The following C7 variants were observed in gnomAD, a reference collection of about 807,000 sequenced individuals.
C7 encodes the protein complement component C7.
In C7, 83 loss-of-function variants were observed where a neutral mutation model predicts 104.8. The ratio of observed to expected loss-of-function variants is 0.79; its 90% CI spans 0.66 to 0.95. The LOEUF (loss-of-function observed/expected upper bound fraction) is 0.95. C7 is among the 40% of genes least tolerant of loss of function. The pLI, the probability that C7 is intolerant of heterozygous loss-of-function variation, is 0.00. For missense variants in C7, 1,070 were observed against 1,011.2 expected (o/e 1.06, Z -0.79); for synonymous variants, 415 against 360.6 (o/e 1.15, Z -1.71).
rs1224452372 is a variant in C7, at chr5:40,923,092, T to C, written c.7-5488T>C. Among the ~76,000 whole-genome samples, 4 of 152,160 alleles carry C rather than the reference T, an allele frequency of 2.6e-5. No individual in the cohort carries two copies. In the East Asian group the frequency reaches 7.7e-4, roughly 29 times the overall value. ...TGTTCATCTGACAAGGGATTAAGAA[T>C]CAAAATGTAAAGGGAAGTAACTCAG... On this transcript the variant is annotated intron_variant, in intron 1 of 17. Transcript: ENST00000313164.
intron 16 of C7, among the ~76,000 whole-genome samples, chr5:40,978,843 C>A (rs1048860693): frequency 7.4e-6 from 1 of 135,950 alleles, no homozygotes; most frequent in African/African-American, 2.6e-5. Context: ...AGCACCAATG[C>A]TAATGAGGAA....
At chr5:40,956,122 C>A (rs1740285949) in intron 10 of C7, among the ~76,000 whole-genome samples, 1 of 152,160 alleles carries the variant, frequency 6.6e-6, no homozygotes, top group Admixed American at 6.6e-5. Flanking sequence ...AGAGACACAG[C>A]ACTCAAATTT....
chr5:40,947,787 G>A lies in C7; in HGVS notation c.924G>A (p.Ser308=), dbSNP rs772715061. The change falls in exon 8 of 18, where the codon TCG becomes TCA. Residue 308 remains serine, a synonymous_variant. Coordinates refer to ENST00000313164, the MANE Select transcript of C7 (RefSeq NM_000587.4). The stretch of plus-strand genomic sequence containing the variant: ...GGACACATTATCTGCAATCTGGGTC[G>A]TTAGGAGGAGAATACAGAGTTCTAT... ...QYGTHYLQSG[S]LGGEYRVLFY... is the part of the protein sequence containing the mutation. 30 of 1,613,274 alleles carry A rather than the reference G, an allele frequency of 1.9e-5. No individual in the cohort carries two copies. In the Admixed American group the frequency reaches 2.7e-4, roughly 14 times the overall value.
chr5:40,967,909 AT>A (rs766687204), intron 14 of C7: 2 of 152,132 alleles, frequency 1.3e-5, no homozygotes, highest in Non-Finnish European at 2.9e-5. Context: ...AATTTTCTTT[AT>A]ATTTTTCTGG....
chr5:40,938,042 C>T (rs1739853776), intron 6 of C7, among the ~76,000 whole-genome samples: 1 of 152,122 alleles, frequency 6.6e-6, no homozygotes, highest in South Asian at 2.1e-4. Flanking sequence ...TGTCAGCTCA[C>T]TTAAAATGCT....
intron 6 of C7, among the ~76,000 whole-genome samples, chr5:40,939,352 C>T (rs923288531): frequency 3.3e-5 from 5 of 152,178 alleles, no homozygotes; most frequent in African/African-American, 1.2e-4. Context: ...AGGTTTAATT[C>T]TCACAGCAGC....
chr5:40,941,913 G>C (rs1429878602), intron 6 of C7, among the ~76,000 whole-genome samples: 1 of 152,208 alleles, frequency 6.6e-6, no homozygotes, highest in African/African-American at 2.4e-5. Context: ...GGAGAACACT[G>C]TTCCTCTTGG....
At chr5:40,980,659 A>C (rs1316175920) in intron 17 of C7, among the ~76,000 whole-genome samples, 1 of 152,168 alleles carries the variant, frequency 6.6e-6, no homozygotes, top group Non-Finnish European at 1.5e-5. Context: ...GGGCTTCCCT[A>C]TCTGTAAATT....
chr5:40,955,833 T>C (rs1740280566), intron 10 of C7, among the ~76,000 whole-genome samples: 1 of 152,214 alleles, frequency 6.6e-6, no homozygotes, highest in African/African-American at 2.4e-5. Flanking sequence ...AGTTCGATTA[T>C]GTCTTCCTTG....
rs117397796 is a variant in C7, at chr5:40,952,143, C to T, written c.1093+2129C>T. ...CAATTTTATTTTATTTCACATTTAA[C>T]AAACACAGGGCACCTACTGTGTGCC... On this transcript the variant is annotated intron_variant, in intron 9 of 17. Transcript: ENST00000313164. Among the ~76,000 whole-genome samples the T allele has an allele frequency of 8.8e-4, 134 of 152,322 alleles. 2 individuals are homozygous for T. The East Asian group carries it at 0.02, about 23-fold the overall frequency.
At chr5:40,979,494 C>T (rs1052582989) in intron 16 of C7, among the ~76,000 whole-genome samples, 10 of 152,072 alleles carry the variant, frequency 6.6e-5, no homozygotes, top group Admixed American at 6.5e-4. Context: ...TAGATATCTA[C>T]ACTTAGAAAA....
chr5:40,927,385 T>C (rs796974336), intron 1 of C7, among the ~76,000 whole-genome samples: 1 of 151,994 alleles, frequency 6.6e-6, no homozygotes, highest in African/African-American at 2.4e-5. Context: ...AATGCAAACA[T>C]AGACAAATGG....
rs376824319 is a variant in C7 at position 40,979,843 on chromosome 5, A to G, written c.2284A>G (p.Ser762Gly). 5.6e-6 allele frequency: 9 copies of G among 1,612,514 alleles called. No homozygotes were observed. Among genetic ancestry groups the G allele is most frequent in the Non-Finnish European group, 7.6e-6 (9 of 1,179,010 alleles). ...GRNYTLTGRD[S>G]CTLPASAEKA... ...AAATTACACCCTTACTGGTAGGGACAGCTGTACTCTGCCTGCCTCAGCTGA... is the reference window on the plus strand; with the variant it reads ...AAATTACACCCTTACTGGTAGGGACGGCTGTACTCTGCCTGCCTCAGCTGA... Residue 762 changes from serine (S) to glycine (G), a missense_variant, in exon 17 of 18, where the codon AGC (serine) becomes GGC (glycine). Coordinates refer to ENST00000313164, the MANE Select transcript of C7 (RefSeq NM_000587.4).
intron 14 of C7, among the ~76,000 whole-genome samples, chr5:40,968,401 C>T (rs1477664169): frequency 6.6e-6 from 1 of 151,152 alleles, no homozygotes; most frequent in African/African-American, 2.4e-5. Context: ...GCTGGGACTA[C>T]AGGCATGAGC....
rs1741000410 is a variant in C7, at chr5:40,983,594, G to A, written c.*2021G>A. On this transcript the variant is annotated 3_prime_UTR_variant, in exon 18 of 18. Transcript: ENST00000313164. ...TTTCTTTTCTGAACATTCTTGTGCTGACCTTTCCTCTAGTCCAACAGAGGC... is the reference window on the plus strand; with the variant it reads ...TTTCTTTTCTGAACATTCTTGTGCTAACCTTTCCTCTAGTCCAACAGAGGC... 6.6e-6 allele frequency among the ~76,000 whole-genome samples: 1 copy of A among 152,112 alleles called. No individual in the cohort carries two copies. The highest frequency in any genetic ancestry group is 2.4e-5 in the African/African-American group (1 of 41,412).
At chr5:40,916,860 C>T (rs944620069) in intron 1 of C7, among the ~76,000 whole-genome samples, 1 of 152,022 alleles carries the variant, frequency 6.6e-6, no homozygotes. Context: ...TATGCATTAC[C>T]TCCCATACTT....
At chr5:40,917,203 C>T (rs1579835818) in intron 1 of C7, among the ~76,000 whole-genome samples, 1 of 151,624 alleles carries the variant, frequency 6.6e-6, no homozygotes, top group African/African-American at 2.4e-5. Context: ...TATGATAGAT[C>T]TCTTGAACTT....
Position 40,979,780 on chromosome 5 carries a change from A to C in C7, c.2221A>C (p.Thr741Pro), listed in dbSNP as rs1455895448. The C allele has an allele frequency of 6.2e-7, 1 of 1,613,676 alleles. No individual in the cohort carries two copies. The highest frequency in any genetic ancestry group is 1.1e-5 in the South Asian group (1 of 91,062). The change falls in exon 17 of 18, where the codon ACA (threonine) becomes CCA (proline). Residue 741 changes from threonine (T) to proline (P), a missense_variant. Physicochemically the swap from Thr to Pro is conservative, Grantham distance 38 (BLOSUM62 -1). Coordinates refer to ENST00000313164, the MANE Select transcript of C7 (RefSeq NM_000587.4). Reference protein sequence around the residue: ...DERSKRILPLTVCKMHVLHCQ... With the variant: ...DERSKRILPLPVCKMHVLHCQ... ...GAGAAGCAAAAGGATACTGCCTCTG[A>C]CAGTTTGCAAGATGCATGTTCTCCA... is the stretch of plus-strand genomic sequence containing the variant.
chr5:40,980,843 A>G (rs1740926881), intron 17 of C7, among the ~76,000 whole-genome samples: 1 of 152,266 alleles, frequency 6.6e-6, no homozygotes, highest in Admixed American at 6.5e-5. Flanking sequence ...GGTGGTCACC[A>G]TTGTCTGCTG....
Sources: gnomAD v4.1 joint callset for allele counts (sites outside exome capture counted in the v4.1 genomes callset) on GRCh38, gnomAD v4.1.1 for gene constraint, MANE v1.5 for transcripts, NCBI Gene and HGNC (gene_info 2026-07-23, HGNC 2026-07-21) for gene names.